The following TDRD3 variants were observed in gnomAD, a reference collection of about 807,000 sequenced individuals.
TDRD3 encodes tudor domain-containing protein 3.
Under a neutral mutation model 86.7 loss-of-function variants are expected in TDRD3, and 45 were observed. The observed-to-expected ratio is 0.52, with a 90% confidence interval of 0.41 to 0.67. The LOEUF is 0.67. Among genes scored for constraint, TDRD3 ranks in the 30% least tolerant of loss-of-function variants. The pLI, the probability that TDRD3 is intolerant of heterozygous loss-of-function variation, is 0.00. For synonymous variants in TDRD3, 298 were observed against 301.7 expected, an observed-to-expected ratio of 0.99 and a Z score of 0.13; for missense variants, 814 against 889.0, an observed-to-expected ratio of 0.92 and a Z score of 1.07.
chr13:60,448,242 GCTAATC>G (rs1955453688), intron 3 of TDRD3, among the ~76,000 whole-genome samples: 1 of 152,200 alleles, frequency 6.6e-6, no homozygotes, highest in East Asian at 1.9e-4. Context: ...TAGAAGACCA[GCTAATC>G]CTGGACATAT....
At chr13:60,416,765 C>T (rs573837774) in intron 1 of TDRD3, among the ~76,000 whole-genome samples, 10 of 152,190 alleles carry the variant, frequency 6.6e-5, no homozygotes, top group South Asian at 4.2e-4. Flanking sequence ...TTACTTTGGA[C>T]GGTTTATGTC....
chr13:60,434,432 C>T (rs1441591206), intron 1 of TDRD3, among the ~76,000 whole-genome samples: 2 of 148,634 alleles, frequency 1.3e-5, no homozygotes, highest in African/African-American at 5.0e-5. Flanking sequence ...TGTGCCACCG[C>T]ATTCCAGCCT....
chr13:60,512,441 C>T (rs1054645952), intron 10 of TDRD3, among the ~76,000 whole-genome samples: 26 of 152,102 alleles, frequency 1.7e-4, no homozygotes, highest in African/African-American at 6.0e-4. Flanking sequence ...CGCAACAGTC[C>T]GCCAAAGTCT....
At chr13:60,399,011 A>C (rs1175545831) in intron 1 of TDRD3, among the ~76,000 whole-genome samples, 1 of 151,124 alleles carries the variant, frequency 6.6e-6, no homozygotes, top group African/African-American at 2.4e-5. Context: ...TTCCAACATG[A>C]CCCCCCCTCC....
At chr13:60,405,369 A>G (rs1594893281) in intron 1 of TDRD3, among the ~76,000 whole-genome samples, 1 of 152,222 alleles carries the variant, frequency 6.6e-6, no homozygotes, top group South Asian at 2.1e-4. Context: ...ATATTCAAAC[A>G]TACTGCATCT....
Position 60,489,015 on chromosome 13 carries a change from T to C in TDRD3, c.717+3067T>C, listed in dbSNP as rs190395484. Among the ~76,000 whole-genome samples the C allele has an allele frequency of 2.1e-3, 322 of 152,310 alleles. 1 individual carries two copies. Among genetic ancestry groups the C allele is most frequent in the African/African-American group, 7.5e-3 (312 of 41,574 alleles). ...TTCATTCTGTAGGTTGTCTCTTCAC[T>C]CTGTTGATTGAATTCTTAGCTATGC... is the stretch of plus-strand genomic sequence containing the variant. On this transcript the variant is annotated intron_variant, in intron 7 of 13. Transcript: ENST00000377881.
At chr13:60,475,699 C>T (rs1024830877) in intron 5 of TDRD3, among the ~76,000 whole-genome samples, 1 of 152,180 alleles carries the variant, frequency 6.6e-6, no homozygotes, top group African/African-American at 2.4e-5. Flanking sequence ...GCAACCTTGC[C>T]AGCATTGGTT....
intron 1 of TDRD3, among the ~76,000 whole-genome samples, chr13:60,402,691 C>CTTTTT (rs35984156): frequency 1.8e-4 from 13 of 73,286 alleles, no homozygotes; most frequent in East Asian, 1.0e-3. Flanking sequence ...AAACCAATTG[C>CTTTTT]TTTTTTTTTT....
At chr13:60,555,987 A>G (rs1958176219) in intron 12 of TDRD3, among the ~76,000 whole-genome samples, 1 of 151,572 alleles carries the variant, frequency 6.6e-6, no homozygotes, top group Admixed American at 6.6e-5. Flanking sequence ...AGTAGCTGGG[A>G]CTACAGGCGC....
chr13:60,530,026 C>G (rs1256539183), intron 11 of TDRD3, among the ~76,000 whole-genome samples: 2 of 152,180 alleles, frequency 1.3e-5, no homozygotes, highest in East Asian at 1.9e-4. Flanking sequence ...GGGCTTGGCT[C>G]AAACATCACC....
At chr13:60,506,761 A>T (rs916232961) in intron 8 of TDRD3, among the ~76,000 whole-genome samples, 2 of 152,098 alleles carry the variant, frequency 1.3e-5, no homozygotes, top group African/African-American at 4.8e-5. Context: ...ACAAACAAAA[A>T]AAAGAACATC....
chr13:60,426,483 CT>C (rs1341041837), intron 1 of TDRD3, among the ~76,000 whole-genome samples: 1 of 152,168 alleles, frequency 6.6e-6, no homozygotes, highest in Non-Finnish European at 1.5e-5. Flanking sequence ...ACTATGGTAA[CT>C]ATTTTACTAT....
chr13:60,449,795 T>G (rs968464590), intron 3 of TDRD3, among the ~76,000 whole-genome samples: 1 of 152,098 alleles, frequency 6.6e-6, no homozygotes, highest in Non-Finnish European at 1.5e-5. Context: ...AATTTTATTA[T>G]TTACTTTCCA....
At chr13:60,481,349 G>GTTTTTTTTTTTT (rs796837758) in intron 5 of TDRD3, among the ~76,000 whole-genome samples, 3 of 137,388 alleles carry the variant, frequency 2.2e-5, no homozygotes, top group Non-Finnish European at 4.7e-5. Context: ...CCCTCTTTGT[G>GTTTTTTTTTTTT]TTTTTTTTTT....
At chr13:60,460,740 C>T (rs764940854) in intron 4 of TDRD3, 200 bp downstream of exon 4, 22 of 434,254 alleles carry the variant, frequency 5.1e-5, no homozygotes, top group Non-Finnish European at 8.3e-5. Flanking sequence ...CGTGGTGGCT[C>T]AAGCCTGTAA....
intron 1 of TDRD3, among the ~76,000 whole-genome samples, chr13:60,430,478 T>C (rs990672345): frequency 6.6e-6 from 1 of 152,164 alleles, no homozygotes; most frequent in Admixed American, 6.6e-5. Flanking sequence ...AAATCTGATT[T>C]ATTAAAAAGT....
chr13:60,426,562 A>G (rs984436257), intron 1 of TDRD3, among the ~76,000 whole-genome samples: 4 of 152,212 alleles, frequency 2.6e-5, no homozygotes, highest in Non-Finnish European at 4.4e-5. Context: ...TTTAAATGTC[A>G]TGAGACACTT....
At chr13:60,566,588 T>C (rs1025705072) in intron 12 of TDRD3, among the ~76,000 whole-genome samples, 4 of 152,180 alleles carry the variant, frequency 2.6e-5, no homozygotes, top group Admixed American at 6.5e-5. Context: ...CAGTTGGAAT[T>C]TAAACTCCCT....
chr13:60,471,644 G>A (rs1463167957), intron 5 of TDRD3, among the ~76,000 whole-genome samples: 1 of 151,980 alleles, frequency 6.6e-6, no homozygotes, highest in Non-Finnish European at 1.5e-5. Flanking sequence ...TCATGACCAT[G>A]GGAAGTCCTT....
Sources: allele counts gnomAD v4.1 joint callset (sites outside exome capture counted in the v4.1 genomes callset), GRCh38; gene constraint gnomAD v4.1.1; transcripts MANE v1.5; gene names NCBI Gene and HGNC (gene_info 2026-07-23, HGNC 2026-07-21).